Variants in GPC5 observed in about 807,000 individuals in gnomAD.
The protein encoded by GPC5 is glypican 5, also known as glypican-5.
GPC5 carries 47 observed loss-of-function variants against 53.9 expected under a neutral mutation model. The ratio of observed to expected loss-of-function variants is 0.87; its 90% confidence interval spans 0.69 to 1.11. GPC5 has a LOEUF of 1.11. Among genes scored for constraint, GPC5 ranks in the 50% most tolerant of loss-of-function variants. The probability of loss-of-function intolerance (pLI) is 0.00; values close to 1 mark genes in which losing one functional copy is unlikely to be tolerated. For missense variants in GPC5, 748 were observed against 713.1 expected, an observed-to-expected ratio of 1.05 and a Z score of -0.56; for synonymous variants, 286 against 263.3, an observed-to-expected ratio of 1.09 and a Z score of -0.84.
At chr13:91,928,666 A>C (rs2039792439) in intron 6 of GPC5, among the ~76,000 whole-genome samples, 1 of 152,204 alleles carries the variant, frequency 6.6e-6, no homozygotes, top group Admixed American at 6.5e-5. Context: ...CTCTGTAAGC[A>C]GGCACGTAGG....
At chr13:92,457,953 G>A (rs548787200) in intron 7 of GPC5, among the ~76,000 whole-genome samples, 27 of 152,162 alleles carry the variant, frequency 1.8e-4, no homozygotes, top group South Asian at 6.2e-4. Flanking sequence ...GTACCTACAC[G>A]TGTATTGTCC....
chr13:91,814,134 A>G (rs557739984), intron 5 of GPC5, among the ~76,000 whole-genome samples: 4 of 151,990 alleles, frequency 2.6e-5, no homozygotes, highest in South Asian at 2.1e-4. Context: ...GGGTTTCACC[A>G]TCTTAGCCAA....
intron 2 of GPC5, among the ~76,000 whole-genome samples, chr13:91,532,961 AT>A (rs1886418405): frequency 6.6e-6 from 1 of 152,184 alleles, no homozygotes. Flanking sequence ...TTCAGTTCTC[AT>A]TGTAAATTCA....
intron 7 of GPC5, among the ~76,000 whole-genome samples, chr13:92,504,617 C>A (rs1446533932): frequency 6.6e-6 from 1 of 151,834 alleles, no homozygotes; most frequent in Admixed American, 6.6e-5. Flanking sequence ...CAAAAGAATA[C>A]AGTATTAGCT....
chr13:91,602,552 C>G (rs1343663167), intron 2 of GPC5, among the ~76,000 whole-genome samples: 1 of 152,120 alleles, frequency 6.6e-6, no homozygotes, highest in Non-Finnish European at 1.5e-5. Context: ...AAGTTATTAT[C>G]AATTTAAAAA....
intron 1 of GPC5, among the ~76,000 whole-genome samples, chr13:91,399,900 G>A (rs1834766920): frequency 6.6e-6 from 1 of 152,198 alleles, no homozygotes; most frequent in African/African-American, 2.4e-5. Flanking sequence ...CACTTGACAT[G>A]GATGAGATGT....
intron 7 of GPC5, among the ~76,000 whole-genome samples, chr13:92,381,838 A>G (rs1374555394): frequency 2.6e-5 from 2 of 77,020 alleles, no homozygotes; most frequent in African/African-American, 9.5e-5. Context: ...TATATATTAT[A>G]TTGTATATGA....
At chr13:92,676,916 T>TACAC (rs34267880) in intron 7 of GPC5, among the ~76,000 whole-genome samples, 12 of 151,386 alleles carry the variant, frequency 7.9e-5, no homozygotes, top group South Asian at 2.1e-4. Context: ...GGGTTAAAAA[T>TACAC]ACACACACAC....
intron 6 of GPC5, among the ~76,000 whole-genome samples, chr13:91,921,943 C>G (rs1443351415): frequency 1.3e-5 from 2 of 151,990 alleles, no homozygotes; most frequent in Non-Finnish European, 2.9e-5. Context: ...TGCACTCTAG[C>G]CTGGGGGACA....
chr13:91,639,636 C>G (rs554546972), intron 2 of GPC5, among the ~76,000 whole-genome samples: 1 of 112,504 alleles, frequency 8.9e-6, no homozygotes, highest in East Asian at 2.9e-4. Context: ...TCATTGTTAC[C>G]CAAGAAGTCC....
chr13:92,014,515 A>G (rs1472164119), intron 6 of GPC5, among the ~76,000 whole-genome samples: 2 of 152,096 alleles, frequency 1.3e-5, no homozygotes, highest in Non-Finnish European at 2.9e-5. Context: ...TTAATCAAAT[A>G]TATTATTTTA....
intron 6 of GPC5, among the ~76,000 whole-genome samples, chr13:92,043,388 C>A (rs190214516): frequency 1.2e-4 from 18 of 152,028 alleles, no homozygotes; most frequent in Admixed American, 2.0e-4. Flanking sequence ...GAGGCTGTGC[C>A]AAGCAAGCAG....
At chr13:91,930,295 A>G (rs1425385094) in intron 6 of GPC5, among the ~76,000 whole-genome samples, 2 of 152,068 alleles carry the variant, frequency 1.3e-5, no homozygotes, top group African/African-American at 4.8e-5. Flanking sequence ...AAAATTATAG[A>G]AGGTTAGATC....
chr13:92,378,874 A>G (rs1594146965), intron 7 of GPC5, among the ~76,000 whole-genome samples: 1 of 152,208 alleles, frequency 6.6e-6, no homozygotes, highest in African/African-American at 2.4e-5. Flanking sequence ...TGACTTCTTA[A>G]AGGTTTTTAC....
At chr13:91,450,537 G>T (rs181001027) in intron 2 of GPC5, among the ~76,000 whole-genome samples, 1 of 152,242 alleles carries the variant, frequency 6.6e-6, no homozygotes, top group East Asian at 1.9e-4. Flanking sequence ...GGAATATTTA[G>T]ACTTTTAAGA....
chr13:91,804,682 G>T (rs7986027), intron 5 of GPC5, among the ~76,000 whole-genome samples: 7,375 of 152,138 alleles, frequency 0.048, 370 homozygotes, highest in East Asian at 0.22. Flanking sequence ...GTGCAAAAAT[G>T]ATCTCCTGAG....
chr13:92,750,397 A>G (rs539639710), intron 7 of GPC5, among the ~76,000 whole-genome samples: 1 of 152,216 alleles, frequency 6.6e-6, no homozygotes, highest in East Asian at 1.9e-4. Context: ...TTGGGGTTAA[A>G]TCTTCTTAAA....
chr13:92,233,832 C>T (rs967226482), intron 7 of GPC5, among the ~76,000 whole-genome samples: 12 of 151,868 alleles, frequency 7.9e-5, no homozygotes, highest in Admixed American at 3.9e-4. Context: ...CAACAGTCCC[C>T]GGTGTGTGAT....
intron 2 of GPC5, among the ~76,000 whole-genome samples, chr13:91,665,216 G>T (rs977788484): frequency 6.6e-6 from 1 of 152,146 alleles, no homozygotes; most frequent in African/African-American, 2.4e-5. Context: ...AGGCTTCTCC[G>T]TATTTTTTCT....
Sources: gnomAD v4.1 joint callset for allele counts (sites outside exome capture counted in the v4.1 genomes callset) on GRCh38, gnomAD v4.1.1 for gene constraint, MANE v1.5 for transcripts, NCBI Gene and HGNC (gene_info 2026-07-23, HGNC 2026-07-21) for gene names.